Variants in CCDC178 observed in about 807,000 individuals in gnomAD.
The protein encoded by CCDC178 is coiled-coil domain-containing protein 178.
Under a neutral mutation model 117.4 loss-of-function variants are expected in CCDC178, and 126 were observed. The ratio of observed to expected loss-of-function variants is 1.07; its 90% CI spans 0.93 to 1.24. The LOEUF (loss-of-function observed/expected upper bound fraction) is 1.24. Ranked by LOEUF, CCDC178 falls within the 50% of genes most tolerant of loss-of-function variation. The pLI is 0.00. For missense variants in CCDC178, 1,030 were observed against 986.9 expected (o/e 1.04, Z -0.59); for synonymous variants, 283 against 313.4 (o/e 0.90, Z 1.02).
intron 22 of CCDC178, among the ~76,000 whole-genome samples, chr18:32,947,883 C>G (rs2054391278): frequency 6.6e-6 from 1 of 151,966 alleles, no homozygotes; most frequent in African/African-American, 2.4e-5. Flanking sequence ...TGCATATTGT[C>G]CAAGGTAATG....
intron 21 of CCDC178, among the ~76,000 whole-genome samples, chr18:33,012,246 C>T (rs1415068625): frequency 1.3e-5 from 2 of 152,126 alleles, no homozygotes; most frequent in East Asian, 3.8e-4. Flanking sequence ...TTAGCACAGG[C>T]TTTTGCATGC....
chr18:33,374,836 CAG>C (rs1352573999), intron 5 of CCDC178, among the ~76,000 whole-genome samples: 1 of 152,128 alleles, frequency 6.6e-6, no homozygotes, highest in African/African-American at 2.4e-5. Context: ...ATGAATATTA[CAG>C]ACATTTTCCT....
intron 20 of CCDC178, among the ~76,000 whole-genome samples, chr18:33,173,992 TAAAG>T (rs1311220473): frequency 6.6e-6 from 1 of 152,174 alleles, no homozygotes; most frequent in African/African-American, 2.4e-5. Flanking sequence ...TGCACTGCTA[TAAAG>T]AAATACCTGA....
chr18:33,089,601 A>G (rs559625283), intron 21 of CCDC178, among the ~76,000 whole-genome samples: 20 of 152,308 alleles, frequency 1.3e-4, no homozygotes, highest in African/African-American at 4.8e-4. Flanking sequence ...GGCTAATTAT[A>G]TAATTTAAAA....
chr18:33,048,144 T>A (rs1044511139), intron 21 of CCDC178, among the ~76,000 whole-genome samples: 1 of 152,144 alleles, frequency 6.6e-6, no homozygotes, highest in African/African-American at 2.4e-5. Context: ...GGTTACCAGG[T>A]GCTAGGGGAA....
intron 22 of CCDC178, among the ~76,000 whole-genome samples, chr18:32,965,436 C>G (rs1417673034): frequency 6.6e-6 from 1 of 151,790 alleles, no homozygotes; most frequent in Non-Finnish European, 1.5e-5. Context: ...CTTGGCTTCC[C>G]AAAGTTCCTC....
At chr18:33,336,005 A>T (rs1218351117) in intron 9 of CCDC178, among the ~76,000 whole-genome samples, 1 of 152,280 alleles carries the variant, frequency 6.6e-6, no homozygotes, top group East Asian at 1.9e-4. Flanking sequence ...CAGTTGCCTG[A>T]CTTTACTACT....
intron 22 of CCDC178, among the ~76,000 whole-genome samples, chr18:32,943,190 G>C (rs1052722339): frequency 2.6e-5 from 4 of 152,114 alleles, no homozygotes; most frequent in Non-Finnish European, 4.4e-5. Context: ...GCCAAATGAT[G>C]GAGAGAAAGT....
At chr18:32,952,105 T>C (rs1334133643) in intron 22 of CCDC178, among the ~76,000 whole-genome samples, 2 of 152,198 alleles carry the variant, frequency 1.3e-5, no homozygotes, top group Non-Finnish European at 2.9e-5. Flanking sequence ...ATTGAGTGCC[T>C]GTGGCTTTTC....
intron 5 of CCDC178, among the ~76,000 whole-genome samples, 165 bp downstream of exon 5, chr18:33,389,375 C>T (rs1029185223): frequency 4.6e-5 from 7 of 151,566 alleles, no homozygotes; most frequent in Admixed American, 6.6e-5. Context: ...ACTATTGATA[C>T]AATATACTAC....
At chr18:33,317,622 A>G (rs2062438485) in intron 11 of CCDC178, among the ~76,000 whole-genome samples, 1 of 151,984 alleles carries the variant, frequency 6.6e-6, no homozygotes, top group East Asian at 1.9e-4. Context: ...CTGGACTGGG[A>G]CCCCTTTCCT....
At chr18:33,249,135 T>TAA (rs1344759570) in intron 14 of CCDC178, among the ~76,000 whole-genome samples, 1 of 152,090 alleles carries the variant, frequency 6.6e-6, no homozygotes, top group African/African-American at 2.4e-5. Flanking sequence ...TCTTGTAAAT[T>TAA]TGTTTGAGTT....
At chr18:33,037,580 C>A (rs1481269386) in intron 21 of CCDC178, among the ~76,000 whole-genome samples, 2 of 151,894 alleles carry the variant, frequency 1.3e-5, no homozygotes, top group African/African-American at 4.8e-5. Context: ...ATGGAGAATT[C>A]TGAACTTCTC....
At chr18:33,284,465 T>C (rs946699382) in intron 12 of CCDC178, among the ~76,000 whole-genome samples, 4 of 152,160 alleles carry the variant, frequency 2.6e-5, no homozygotes, top group African/African-American at 9.7e-5. Context: ...TTTTATGTCA[T>C]GAAAGAAGAA....
At chr18:33,115,250 A>G (rs546818563) in intron 20 of CCDC178, among the ~76,000 whole-genome samples, 2 of 152,170 alleles carry the variant, frequency 1.3e-5, no homozygotes, top group African/African-American at 4.8e-5. Context: ...CCTTTCATAC[A>G]TGGGTATTGC....
chr18:33,221,995 TAATTA>T (rs938838851), intron 18 of CCDC178, among the ~76,000 whole-genome samples: 1 of 152,020 alleles, frequency 6.6e-6, no homozygotes, highest in African/African-American at 2.4e-5. Context: ...AATATAAAAA[TAATTA>T]AATTACATTA....
chr18:33,022,426 A>G (rs909684445), intron 21 of CCDC178, among the ~76,000 whole-genome samples: 3 of 152,194 alleles, frequency 2.0e-5, no homozygotes, highest in African/African-American at 7.2e-5. Context: ...GTGGTTCTAA[A>G]TGTGTTTAGA....
chr18:33,297,636 A>G lies in CCDC178; in HGVS notation c.1023-4324T>C, dbSNP rs2144893610. Among the ~76,000 whole-genome samples, 3 of 152,324 alleles carry G rather than the reference A, an allele frequency of 2.0e-5. No homozygotes were observed. In the South Asian group the frequency reaches 6.2e-4, roughly 32 times the overall value. ...AAGATTGAACCAAGAAGAAACAGAA[A>G]GCCTAAACAGAGCAATAACAAGTAA... On this transcript the variant is annotated intron_variant, in intron 11 of 22. Coordinates refer to ENST00000383096, the MANE Select transcript of CCDC178 (RefSeq NM_001105528.4).
chr18:33,321,197 A>G (rs1251228835), intron 11 of CCDC178, among the ~76,000 whole-genome samples: 1 of 152,232 alleles, frequency 6.6e-6, no homozygotes, highest in African/African-American at 2.4e-5. Flanking sequence ...CTTCATGTCT[A>G]AAACACCAAA....
Sources: gnomAD v4.1 joint callset for allele counts (sites outside exome capture counted in the v4.1 genomes callset) on GRCh38, gnomAD v4.1.1 for gene constraint, MANE v1.5 for transcripts, NCBI Gene and HGNC (gene_info 2026-07-23, HGNC 2026-07-21) for gene names.